Variants in KRT79 observed in about 807,000 individuals in gnomAD.
The protein encoded by KRT79 is keratin 79.
A neutral mutation model predicts 49.0 loss-of-function variants in KRT79; 51 were observed. The observed-to-expected ratio is 1.04, with a 90% CI of 0.83 to 1.31. The LOEUF is 1.31. KRT79 is among the 40% of genes most tolerant of loss of function. KRT79 has a pLI of 0.00. For missense variants in KRT79, 728 were observed against 688.0 expected, an observed-to-expected ratio of 1.06 and a Z score of -0.65; for synonymous variants, 312 against 286.6, an observed-to-expected ratio of 1.09 and a Z score of -0.90.
intron 7 of KRT79, 103 bp from the exon 8 acceptor site, chr12:52,822,482 CCTGATGA>C: frequency 3.9e-6 from 3 of 765,032 alleles, no homozygotes; most frequent in South Asian, 1.8e-5. Context: ...CTCAGTGAAT[CCTGATGA>C]CAAGACCAGG....
intron 2 of KRT79, chr12:52,830,585 T>C (rs1940239322): frequency 5.2e-6 from 2 of 385,614 alleles, no homozygotes; most frequent in Non-Finnish European, 4.7e-6. Flanking sequence ...GAGGGACAAG[T>C]GAAGATGTGT....
Position 52,834,309 on chromosome 12 carries a change from C to T in KRT79, c.-49G>A, listed in dbSNP as rs550331877. On this transcript the variant is annotated 5_prime_UTR_variant, in exon 1 of 9. Coordinates refer to ENST00000330553, the MANE Select transcript of KRT79 (RefSeq NM_175834.3). ...GGATGAGAGGGCAGGAAGGGAGTGCCGTGAGCTGCTGGGCCACTGTGGGCT... is the reference window on the plus strand; with the variant it reads ...GGATGAGAGGGCAGGAAGGGAGTGCTGTGAGCTGCTGGGCCACTGTGGGCT... 9.8e-5 allele frequency: 143 copies of T among 1,466,332 alleles called. 2 individuals carry two copies. In the South Asian group the frequency reaches 1.3e-3, roughly 13 times the overall value. 90.8% of individuals were successfully genotyped at this position (1,466,332 alleles called of 1,614,324 possible).
Position 52,834,034 on chromosome 12 carries a change from G to A in KRT79, c.227C>T (p.Ala76Val). ...GGHKSISVSV[A>V]GGALLGRALG... Reference sequence around the variant, plus strand: ...AGCCCGCCCCAACAAGGCCCCTCCGGCCACACTGACAGAGATACTCTTGTG... The same window carrying A: ...AGCCCGCCCCAACAAGGCCCCTCCGACCACACTGACAGAGATACTCTTGTG... Residue 76 changes from alanine to valine, a missense_variant, in exon 1 of 9, where the codon GCC (alanine) becomes GTC (valine). Coordinates refer to ENST00000330553, the MANE Select transcript of KRT79 (RefSeq NM_175834.3). 1.2e-6 allele frequency: 2 copies of A among 1,613,378 alleles called. No homozygotes were observed. Among genetic ancestry groups the A allele is most frequent in the Admixed American group, 1.7e-5 (1 of 59,986 alleles).
At chr12:52,829,922 C>T in intron 4 of KRT79, 101 bp downstream of exon 4, 1 of 953,402 alleles carries the variant, frequency 1.0e-6, no homozygotes, top group East Asian at 2.4e-5. Context: ...TCATCTTCCA[C>T]CAATGAGGTT....
intron 4 of KRT79, among the ~76,000 whole-genome samples, chr12:52,826,946 G>T (rs1940184085): frequency 6.6e-6 from 1 of 152,168 alleles, no homozygotes; most frequent in African/African-American, 2.4e-5. Context: ...GCACTGCTGG[G>T]CCGTGAGGAC....
chr12:52,831,647 T>A, intron 1 of KRT79, 21 bp from the exon 2 acceptor site: 1 of 1,600,986 alleles, frequency 6.2e-7, no homozygotes, highest in East Asian at 2.2e-5. Context: ...GCAGAAAGGG[T>A]GGGCTGATGT....
chr12:52,833,221 A>C (rs1187318457), intron 1 of KRT79, among the ~76,000 whole-genome samples: 2 of 152,136 alleles, frequency 1.3e-5, no homozygotes, highest in African/African-American at 4.8e-5. Flanking sequence ...CTTCACTCAG[A>C]GTGTAAAAAA....
intron 6 of KRT79, 36 bp from the exon 7 acceptor site, chr12:52,823,272 G>A (rs10876353): frequency 0.51 from 797,689 of 1,565,176 alleles, 205,914 homozygotes; most frequent in South Asian, 0.63. Context: ...AGCACCCTCC[G>A]GGGTCATCCC....
chr12:52,834,078 G>A lies in KRT79; in HGVS notation c.183C>T (p.Ser61=), dbSNP rs1407229517. Residue 61 remains serine, a synonymous_variant, in exon 1 of 9, where the codon AGC becomes AGT. Coordinates refer to ENST00000330553, the MANE Select transcript of KRT79 (RefSeq NM_175834.3). The stretch of plus-strand genomic sequence containing the variant: ...TCTTGTGGCCCCCCAAGTTATAGAG[G>A]CTTCGGCTGCCAAAGCCACCTGTGC... The part of the protein sequence containing the change: ...GPGTGGFGSR[S]LYNLGGHKSI... 2 of 1,613,342 alleles carry A rather than the reference G, an allele frequency of 1.2e-6. No individual in the cohort carries two copies. Among genetic ancestry groups the A allele is most frequent in the Non-Finnish European group, 1.7e-6 (2 of 1,179,884 alleles).
chr12:52,821,458 C>G lies in KRT79; in HGVS notation c.*414G>C, dbSNP rs1057190427. 3.3e-5 allele frequency: 7 copies of G among 213,080 alleles called. No homozygotes were observed. The highest frequency in any genetic ancestry group is 2.7e-4 in the Admixed American group (5 of 18,642). 13.2% of individuals were successfully genotyped at this position (213,080 alleles called of 1,614,324 possible). ...CACAGACAGCTAGCTGCAGTTGCAC[C>G]ATTTATTGAGACACAGACAGGGAAG... On this transcript the variant is annotated 3_prime_UTR_variant, in exon 9 of 9. Transcript: ENST00000330553.
Position 52,830,010 on chromosome 12 carries a change from T to C in KRT79, c.855+13A>G. 1 of 1,612,940 alleles carries C rather than the reference T, an allele frequency of 6.2e-7. No homozygotes were observed. Among genetic ancestry groups the C allele is most frequent in the Middle Eastern group, 1.6e-4 (1 of 6,062 alleles). On this transcript the variant is annotated intron_variant, in intron 4 of 8. Transcript: ENST00000330553. ...AGTGTATGCAAACTCTCCCTGCCCA[T>C]TGGCCACCTCACCATTTCATAGAGT...
chr12:52,822,383 G>C lies in KRT79; in HGVS notation c.1368-4C>G, dbSNP rs773710863. 30 of 1,587,410 alleles carry C rather than the reference G, an allele frequency of 1.9e-5. No homozygotes were observed. The Middle Eastern group carries it at 5.2e-4, about 28-fold the overall frequency. ...ACTGGGACATTCTCCAGACATCCTAGGGGACACAGAAAGGCCAGGAGAGCA... is the reference window on the plus strand; with the variant it reads ...ACTGGGACATTCTCCAGACATCCTACGGGACACAGAAAGGCCAGGAGAGCA... On this transcript the variant is annotated splice_polypyrimidine_tract_variant and splice_region_variant and intron_variant, in intron 7 of 8. Transcript: ENST00000330553.
chr12:52,831,733 C>G (rs553362239), intron 1 of KRT79, 107 bp from the exon 2 acceptor site: 1 of 826,100 alleles, frequency 1.2e-6, no homozygotes, highest in African/African-American at 1.7e-5. Context: ...AACATAGGGA[C>G]GCTGCAGCCG....
rs1940304586 is a variant in KRT79 at position 52,834,285 on chromosome 12, G to A, written c.-25C>T. ...TAGCTGCAGAGGGGCCGGAGGGCAG[G>A]ATGAGAGGGCAGGAAGGGAGTGCCG... On this transcript the variant is annotated 5_prime_UTR_variant, in exon 1 of 9. Coordinates refer to ENST00000330553, the MANE Select transcript of KRT79 (RefSeq NM_175834.3). The A allele has an allele frequency of 3.2e-6, 5 of 1,582,326 alleles. No individual in the cohort carries two copies. Among genetic ancestry groups the A allele is most frequent in the Non-Finnish European group, 4.3e-6 (5 of 1,153,200 alleles).
intron 1 of KRT79, among the ~76,000 whole-genome samples, chr12:52,833,274 C>A (rs73305833): frequency 0.019 from 2,900 of 152,324 alleles, 31 homozygotes; most frequent in South Asian, 0.03. Context: ...CCCACCCACA[C>A]ACAACTGTGT....
At position 52,822,338 on chromosome 12, in the gene KRT79, TACTC is replaced by T; in HGVS notation, c.1402+3_1402+6del. The T allele has an allele frequency of 6.2e-7, 1 of 1,606,766 alleles. No homozygotes were observed. Among genetic ancestry groups the T allele is most frequent in the Non-Finnish European group, 8.5e-7 (1 of 1,176,590 alleles). On this transcript the variant is annotated splice_donor_5th_base_variant and intron_variant, in intron 8 of 8. Transcript: ENST00000330553. ...GGTGGAGCAGGAAGTGGGGAGTAAA[TACTC>T]ACAAATGCTGACTGCACTGGGACAT...
At chr12:52,824,444 A>T in intron 4 of KRT79, 82 bp from the exon 5 acceptor site, 1 of 1,403,836 alleles carries the variant, frequency 7.1e-7, no homozygotes, top group South Asian at 1.3e-5. Flanking sequence ...ATGGGCCCCC[A>T]GGTAGCATCA....
In KRT79 at chr12:52,834,163, A is replaced by C; in HGVS notation, c.98T>G (p.Phe33Cys). ...GCTCCGAGACACCGTCACTGAGCTG[A>C]AGCTGGTGCGGGCCTGGGACCCACT... Reference protein sequence around the residue: ...GGSGSQARTSFSSVTVSRSSG... With the variant: ...GGSGSQARTSCSSVTVSRSSG... Residue 33 changes from phenylalanine to cysteine, a missense_variant, in exon 1 of 9, where the codon TTC becomes TGC. By Grantham distance (205) the Phe-to-Cys change is radical. Transcript: ENST00000330553. The C allele has an allele frequency of 6.2e-7, 1 of 1,613,526 alleles. No individual in the cohort carries two copies. The highest frequency in any genetic ancestry group is 8.5e-7 in the Non-Finnish European group (1 of 1,179,868).
chr12:52,827,540 G>A (rs1940193968), intron 4 of KRT79, among the ~76,000 whole-genome samples: 1 of 152,160 alleles, frequency 6.6e-6, no homozygotes, highest in African/African-American at 2.4e-5. Context: ...AACTGGGGAA[G>A]CACCTAAAAA....
Sources: gnomAD v4.1 joint callset for allele counts (sites outside exome capture counted in the v4.1 genomes callset) on GRCh38, gnomAD v4.1.1 for gene constraint, MANE v1.5 for transcripts, NCBI Gene and HGNC (gene_info 2026-07-23, HGNC 2026-07-21) for gene names.